The following CFAP54 variants were observed in gnomAD, a reference collection of about 807,000 sequenced individuals.
CFAP54 encodes cilia- and flagella-associated protein 54.
In CFAP54, 290 loss-of-function variants were observed where a neutral mutation model predicts 370.4. The observed-to-expected ratio is 0.78, with a 90% CI of 0.71 to 0.86. CFAP54 has a LOEUF of 0.86. CFAP54 is among the 40% of genes least tolerant of loss of function. The pLI is 0.00. For synonymous variants in CFAP54, 1,206 were observed against 1,236.5 expected, an observed-to-expected ratio of 0.98 and a Z score of 0.52; for missense variants, 3,399 against 3,528.7, an observed-to-expected ratio of 0.96 and a Z score of 0.93.
chr12:96,717,340 C>CT (rs1957695067), intron 48 of CFAP54, among the ~76,000 whole-genome samples: 1 of 152,182 alleles, frequency 6.6e-6, no homozygotes, highest in Non-Finnish European at 1.5e-5. Context: ...CCCTCATCCT[C>CT]AGCTGACCCC....
intron 1 of CFAP54, among the ~76,000 whole-genome samples, chr12:96,498,767 G>T (rs1327929726): frequency 6.6e-6 from 1 of 152,184 alleles, no homozygotes; most frequent in African/African-American, 2.4e-5. Flanking sequence ...ATGAAAGAAA[G>T]AATTGTTAAG....
At chr12:96,799,804 T>C (rs1167983938) in intron 63 of CFAP54, among the ~76,000 whole-genome samples, 1 of 152,160 alleles carries the variant, frequency 6.6e-6, no homozygotes, top group African/African-American at 2.4e-5. Flanking sequence ...TTAAAAATAG[T>C]AATGGGTCAA....
chr12:96,873,337 G>A (rs908969418), intron 67 of CFAP54, among the ~76,000 whole-genome samples: 1 of 152,170 alleles, frequency 6.6e-6, no homozygotes, highest in African/African-American at 2.4e-5. Context: ...AGAATCATTT[G>A]GTTTTGGATA....
chr12:96,580,978 A>G lies in CFAP54; in HGVS notation c.2948A>G (p.Tyr983Cys). Residue 983 changes from tyrosine (Y) to cysteine (C), a missense_variant, in exon 22 of 68, where the codon TAT becomes TGT. Around this residue, in one of 3 missense-constraint regions of CFAP54, gnomAD observed 2,796 missense variants for 2,869.7 expected, o/e 0.97. Transcript: ENST00000524981. The stretch of plus-strand genomic sequence containing the variant: ...AAAGGTTTAGAAACCAATGAAAAGT[A>G]TGTATTTGCAGTTGCTGCCTATTCT... The part of the protein sequence containing the change: ...EVKGLETNEK[Y>C]VFAVAAYSNN... 1 of 1,534,008 alleles carries G rather than the reference A, an allele frequency of 6.5e-7. No individual in the cohort carries two copies. Among genetic ancestry groups the G allele is most frequent in the South Asian group, 1.2e-5 (1 of 83,824 alleles).
chr12:96,554,215 A>G lies in CFAP54; in HGVS notation c.2188A>G (p.Lys730Glu), dbSNP rs1955727884. The change falls in exon 16 of 68, where the codon AAA becomes GAA. Residue 730 changes from lysine to glutamate, a missense_variant. Around this residue, in one of 3 missense-constraint regions of CFAP54, gnomAD observed 2,796 missense variants for 2,869.7 expected, o/e 0.97. Transcript: ENST00000524981. ...TGTGGAACAGTTACTTTTTGCTTAT[A>G]AACTTCTTGACAGAGCAATCGGTGG... The part of the protein sequence containing the change: ...NPVEQLLFAY[K>E]LLDRAIGGIN... The G allele has an allele frequency of 6.6e-7, 1 of 1,513,848 alleles. No individual in the cohort carries two copies. Among genetic ancestry groups the G allele is most frequent in the Non-Finnish European group, 8.8e-7 (1 of 1,137,488 alleles). 93.8% of individuals were successfully genotyped at this position (1,513,848 alleles called of 1,614,324 possible). A position where few individuals can be genotyped will look rare whatever the true frequency, so the allele number is the denominator to read the frequency against.
chr12:96,700,054 T>G lies in CFAP54; in HGVS notation c.6435T>G (p.Cys2145Trp). 1 of 1,609,722 alleles carries G rather than the reference T, an allele frequency of 6.2e-7. No homozygotes were observed. The highest frequency in any genetic ancestry group is 8.5e-7 in the Non-Finnish European group (1 of 1,178,560). ...TTTTCTATGGAAAAAACATGCCTTGTCCAATACCTGCAGGCTATAAAGCCA... is the reference window on the plus strand; with the variant it reads ...TTTTCTATGGAAAAAACATGCCTTGGCCAATACCTGCAGGCTATAAAGCCA... ...SQIFYGKNMPCPIPAGYKATG... is the reference protein window; with the variant it reads ...SQIFYGKNMPWPIPAGYKATG... Residue 2145 changes from cysteine (C) to tryptophan (W), a missense_variant, in exon 46 of 68, where the codon TGT becomes TGG. Cys to Trp is a radical substitution (Grantham distance 215). Around this residue, in one of 3 missense-constraint regions of CFAP54, gnomAD observed 2,796 missense variants for 2,869.7 expected, o/e 0.97. Coordinates refer to ENST00000524981, the MANE Select transcript of CFAP54 (RefSeq NM_001306084.2).
intron 9 of CFAP54, among the ~76,000 whole-genome samples, chr12:96,531,487 T>TA (rs78475756): frequency 1.4e-4 from 21 of 150,772 alleles, no homozygotes; most frequent in South Asian, 2.1e-4. Context: ...ATTCATTATT[T>TA]AAAAAAAAAA....
chr12:96,518,392 A>G (rs779392548), intron 5 of CFAP54, among the ~76,000 whole-genome samples: 5 of 152,230 alleles, frequency 3.3e-5, no homozygotes, highest in Admixed American at 1.3e-4. Flanking sequence ...GAGGCTTATA[A>G]TAAGACAAGA....
At chr12:96,579,879 T>TTAAAATA (rs1956015534) in intron 20 of CFAP54, among the ~76,000 whole-genome samples, 1 of 151,726 alleles carries the variant, frequency 6.6e-6, no homozygotes, top group Non-Finnish European at 1.5e-5. Context: ...ATGTTTTTAT[T>TTAAAATA]TAAAATATAA....
chr12:96,713,332 C>T (rs553144044), intron 48 of CFAP54, among the ~76,000 whole-genome samples: 42 of 152,104 alleles, frequency 2.8e-4, no homozygotes, highest in African/African-American at 8.4e-4. Flanking sequence ...TATATATACA[C>T]GATGAAATAT....
At chr12:96,519,129 G>A (rs1436483391) in intron 6 of CFAP54, 58 bp downstream of exon 6, 18 of 1,471,526 alleles carry the variant, frequency 1.2e-5, no homozygotes, top group Non-Finnish European at 1.5e-5. Flanking sequence ...GATGGAATCT[G>A]GCTTTGTTGC....
intron 55 of CFAP54, among the ~76,000 whole-genome samples, chr12:96,749,632 A>G (rs1958160631): frequency 1.3e-5 from 2 of 152,172 alleles, no homozygotes; most frequent in Admixed American, 6.5e-5. Context: ...AACTTGAACT[A>G]CTTTTACTTC....
intron 66 of CFAP54, among the ~76,000 whole-genome samples, chr12:96,833,344 GT>G (rs1331780588): frequency 6.6e-6 from 1 of 152,158 alleles, no homozygotes; most frequent in Admixed American, 6.5e-5. Context: ...TCTCACATCT[GT>G]CAGTAATTAT....
intron 17 of CFAP54, among the ~76,000 whole-genome samples, chr12:96,563,798 A>G (rs1415327622): frequency 2.6e-5 from 4 of 152,250 alleles, no homozygotes; most frequent in African/African-American, 9.6e-5. Context: ...AGGTCTCTTA[A>G]GCACCAGACC....
chr12:96,530,960 C>G (rs1448424784), intron 9 of CFAP54, among the ~76,000 whole-genome samples: 1 of 152,140 alleles, frequency 6.6e-6, no homozygotes, highest in East Asian at 1.9e-4. Flanking sequence ...GTGTTTATTT[C>G]CCATCTGTAT....
At chr12:96,654,196 A>G (rs1426306481) in intron 36 of CFAP54, among the ~76,000 whole-genome samples, 1 of 113,004 alleles carries the variant, frequency 8.8e-6, no homozygotes, top group Non-Finnish European at 1.8e-5. Context: ...ATTTTATACC[A>G]ATGATTTTTA....
chr12:96,814,864 G>A (rs528912364), intron 64 of CFAP54, among the ~76,000 whole-genome samples: 10 of 152,254 alleles, frequency 6.6e-5, no homozygotes, highest in African/African-American at 2.4e-4. Flanking sequence ...TTTCATGCAT[G>A]TCCTTGCAGA....
chr12:96,727,809 T>G (rs994757121), intron 50 of CFAP54, among the ~76,000 whole-genome samples: 2 of 151,972 alleles, frequency 1.3e-5, no homozygotes, highest in African/African-American at 4.8e-5. Flanking sequence ...TTGCAGCGGC[T>G]GGTACCGGTT....
At chr12:96,788,400 T>G (rs1020250437) in intron 62 of CFAP54, among the ~76,000 whole-genome samples, 3 of 152,232 alleles carry the variant, frequency 2.0e-5, no homozygotes, top group Admixed American at 6.5e-5. Context: ...GTGAAATGAA[T>G]AAGTTGTACA....
Sources: allele counts gnomAD v4.1 joint callset (sites outside exome capture counted in the v4.1 genomes callset), GRCh38; gene constraint gnomAD v4.1.1; regional missense constraint gnomAD v4.1.1; transcripts MANE v1.5; gene names NCBI Gene and HGNC (gene_info 2026-07-23, HGNC 2026-07-21).